MYT1L: variants seen among roughly 807,000 people sequenced by gnomAD.
MYT1L encodes the protein myelin transcription factor 1 like.
In MYT1L, 12 loss-of-function variants were observed where a neutral mutation model predicts 126.7. That is an observed-to-expected ratio of 0.09 (90% CI 0.06 to 0.15). The LOEUF is 0.15. Ranked by LOEUF, MYT1L falls within the 10% of genes least tolerant of loss-of-function variation. MYT1L has a pLI of 1.00. For synonymous variants in MYT1L, 541 were observed against 604.2 expected (o/e 0.90, Z 1.53); for missense variants, 979 against 1,585.2 (o/e 0.62, Z 6.49).
chr2:1,876,115 T>C (rs374213911), intron 18 of MYT1L, among the ~76,000 whole-genome samples: 2 of 152,172 alleles, frequency 1.3e-5, no homozygotes, highest in Non-Finnish European at 1.5e-5. Context: ...GTATTTTCAG[T>C]GATGTGCAGG....
Position 2,238,664 on chromosome 2 carries a change from C to A in MYT1L, c.-421+45740G>T, listed in dbSNP as rs532455019. Among the ~76,000 whole-genome samples the A allele has an allele frequency of 3.3e-5, 5 of 152,152 alleles. No homozygotes were observed. The South Asian group carries it at 6.2e-4, about 19-fold the overall frequency. ...TGCAGTGTATATCTGAGAGATCCTG[C>A]GTTACAATCTCCGTGTAGGAGCTCT... On this transcript the variant is annotated intron_variant, in intron 2 of 24. Coordinates refer to ENST00000647738, the MANE Select transcript of MYT1L (RefSeq NM_001303052.2).
At chr2:2,005,108 T>C (rs1412833743) in intron 4 of MYT1L, among the ~76,000 whole-genome samples, 1 of 151,516 alleles carries the variant, frequency 6.6e-6, no homozygotes, top group Non-Finnish European at 1.5e-5. Flanking sequence ...GAATATGTTC[T>C]TTCCTGCTTG....
chr2:1,867,114 GAC>G (rs2045680791), intron 18 of MYT1L, among the ~76,000 whole-genome samples: 1 of 151,900 alleles, frequency 6.6e-6, no homozygotes, highest in African/African-American at 2.4e-5. Context: ...GAGGGAGAGA[GAC>G]AGAGTCTTGC....
chr2:2,108,723 C>T (rs2150552269), intron 3 of MYT1L, among the ~76,000 whole-genome samples: 1 of 152,332 alleles, frequency 6.6e-6, no homozygotes, highest in South Asian at 2.1e-4. Context: ...AGACTTCTCA[C>T]TGATGCTTAT....
At chr2:1,973,542 T>C (rs1302942803) in intron 8 of MYT1L, among the ~76,000 whole-genome samples, 1 of 152,206 alleles carries the variant, frequency 6.6e-6, no homozygotes, top group Non-Finnish European at 1.5e-5. Flanking sequence ...AAATAGATTA[T>C]TGCAGACATG....
chr2:2,104,036 A>G (rs1270871215), intron 3 of MYT1L, among the ~76,000 whole-genome samples: 2 of 152,206 alleles, frequency 1.3e-5, no homozygotes, highest in African/African-American at 2.4e-5. Context: ...AATTATTTGA[A>G]GAGAGTTCAG....
chr2:1,865,180 G>A (rs1332284797), intron 18 of MYT1L, among the ~76,000 whole-genome samples: 1 of 152,164 alleles, frequency 6.6e-6, no homozygotes, highest in Non-Finnish European at 1.5e-5. Context: ...CTGGGGGCTG[G>A]TGGACTCAGC....
rs763342547 is a variant in MYT1L, at chr2:2,284,437, T to C, written c.-454A>G. The C allele has an allele frequency of 6.6e-6, 1 of 152,268 alleles. No homozygotes were observed. The highest frequency in any genetic ancestry group is 2.4e-5 in the African/African-American group (1 of 41,414). The allele number at this position is 152,268 out of a possible 1,614,324, so 9.4% of individuals were successfully genotyped here. On this transcript the variant is annotated 5_prime_UTR_variant, in exon 2 of 25. Transcript: ENST00000647738. ...GTGATCCCTCAAATGTCAACGTGGA[T>C]TGGACAAACGTCCAGGCAACAGCCG...
chr2:2,221,317 T>C (rs1252687238), intron 2 of MYT1L, among the ~76,000 whole-genome samples: 1 of 152,020 alleles, frequency 6.6e-6, no homozygotes, highest in Admixed American at 6.6e-5. Context: ...ATGGATTGAG[T>C]CTGTGCACCT....
chr2:2,093,550 T>C (rs2077120284), intron 3 of MYT1L, among the ~76,000 whole-genome samples: 1 of 152,194 alleles, frequency 6.6e-6, no homozygotes. Flanking sequence ...TGTTTTTTTC[T>C]TGTAAATTTG....
chr2:2,091,110 C>T (rs2076873812), intron 3 of MYT1L, among the ~76,000 whole-genome samples: 1 of 152,170 alleles, frequency 6.6e-6, no homozygotes, highest in South Asian at 2.1e-4. Context: ...CATGAATCAC[C>T]AATTGTGAAT....
intron 4 of MYT1L, among the ~76,000 whole-genome samples, chr2:2,013,857 C>T (rs1480550498): frequency 6.6e-6 from 1 of 152,232 alleles, no homozygotes; most frequent in East Asian, 1.9e-4. Flanking sequence ...TGCACGGAGG[C>T]CTGCGTCCGC....
chr2:2,277,012 C>T (rs1329798817), intron 2 of MYT1L, among the ~76,000 whole-genome samples: 1 of 151,786 alleles, frequency 6.6e-6, no homozygotes, highest in Admixed American at 6.6e-5. Flanking sequence ...GACAGAGTCT[C>T]ACTCTGTTGG....
intron 2 of MYT1L, among the ~76,000 whole-genome samples, chr2:2,197,908 G>T (rs1400118144): frequency 6.7e-6 from 1 of 149,340 alleles, no homozygotes; most frequent in Non-Finnish European, 1.5e-5. Flanking sequence ...GTGTACAGAT[G>T]TATATAACAT....
chr2:1,955,312 A>C (rs116167157), intron 8 of MYT1L, among the ~76,000 whole-genome samples: 2,565 of 152,216 alleles, frequency 0.017, 70 homozygotes, highest in African/African-American at 0.058. Context: ...GAAATATGTA[A>C]AATTCTGGTA....
chr2:2,139,385 C>T (rs1006940225), intron 3 of MYT1L, among the ~76,000 whole-genome samples: 54 of 151,474 alleles, frequency 3.6e-4, no homozygotes, highest in African/African-American at 1.7e-4. Context: ...TTTGGGAGGC[C>T]GAGGTGGGTG....
At position 1,792,304 on chromosome 2, in the gene MYT1L, C is replaced by T. The variant is rs1398958515; in HGVS notation, c.3420+17G>A. The T allele has an allele frequency of 1.3e-6, 2 of 1,589,154 alleles. No homozygotes were observed. The highest frequency in any genetic ancestry group is 1.3e-5 in the African/African-American group (1 of 74,572). ...TGGAGGACTCCACATTCCTGCCTTG[C>T]GTGCTCAGTCACTTACCATGTGCGG... On this transcript the variant is annotated intron_variant, in intron 24 of 24. Transcript: ENST00000647738.
rs116080717 is a variant in MYT1L at position 2,131,793 on chromosome 2, G to A, written c.-304+41079C>T. Among the ~76,000 whole-genome samples, 481 of 151,940 alleles carry A rather than the reference G, an allele frequency of 3.2e-3. 3 individuals are homozygous for A. Among genetic ancestry groups the A allele is most frequent in the African/African-American group, 0.011 (467 of 41,462 alleles). The stretch of plus-strand genomic sequence containing the variant: ...ACTCGGTTTTCCCAAGTGAGAACTC[G>A]GTCATGTAACCTCACTCTGTGCTGC... On this transcript the variant is annotated intron_variant, in intron 3 of 24. Coordinates refer to ENST00000647738, the MANE Select transcript of MYT1L (RefSeq NM_001303052.2).
At chr2:2,234,742 A>G (rs1261181234) in intron 2 of MYT1L, among the ~76,000 whole-genome samples, 3 of 152,246 alleles carry the variant, frequency 2.0e-5, no homozygotes, top group African/African-American at 4.8e-5. Context: ...AAATCTCAGC[A>G]TGAGAATATG....
Sources: allele counts gnomAD v4.1 joint callset (sites outside exome capture counted in the v4.1 genomes callset), GRCh38; gene constraint gnomAD v4.1.1; transcripts MANE v1.5; gene names NCBI Gene and HGNC (gene_info 2026-07-23, HGNC 2026-07-21).